Variants in NRG3 observed in about 807,000 individuals in gnomAD.
NRG3 encodes pro-neuregulin-3, membrane-bound isoform.
A neutral mutation model predicts 66.9 loss-of-function variants in NRG3; 31 were observed. The observed-to-expected ratio is 0.46, with a 90% CI of 0.35 to 0.63. The LOEUF (loss-of-function observed/expected upper bound fraction) is 0.63. NRG3 is among the 20% of genes least tolerant of loss of function. The pLI is 0.00. For synonymous variants in NRG3, 393 were observed against 359.4 expected (o/e 1.09, Z -1.06); for missense variants, 910 against 878.9 (o/e 1.04, Z -0.45).
chr10:82,356,275 A>T (rs1227648677), intron 1 of NRG3, among the ~76,000 whole-genome samples: 2 of 152,214 alleles, frequency 1.3e-5, no homozygotes, highest in Admixed American at 1.3e-4. Flanking sequence ...TAAAATAAGG[A>T]TCTCACTTTT....
rs553459318 is a variant in NRG3 at position 82,019,002 on chromosome 10, C to T, written c.823+142839C>T. Among the ~76,000 whole-genome samples the T allele has an allele frequency of 6.6e-5, 10 of 152,264 alleles. No homozygotes were observed. The South Asian group carries it at 2.1e-3, about 32-fold the overall frequency. On this transcript the variant is annotated intron_variant, in intron 1 of 8. Transcript: ENST00000372141. ...ATAGGAGTGGTGAGAGAAGGCATCCCTGTCTTGTGCCAGTTTTCAAAGGGA... is the reference window on the plus strand; with the variant it reads ...ATAGGAGTGGTGAGAGAAGGCATCCTTGTCTTGTGCCAGTTTTCAAAGGGA...
intron 1 of NRG3, among the ~76,000 whole-genome samples, chr10:82,190,687 G>A (rs575973590): frequency 3.3e-4 from 50 of 152,148 alleles, no homozygotes; most frequent in Middle Eastern, 3.2e-3. Flanking sequence ...GGGCCAGTGA[G>A]GAAGCTTTCA....
intron 1 of NRG3, among the ~76,000 whole-genome samples, chr10:82,047,488 TCCAG>T (rs1002793710): frequency 1.1e-4 from 17 of 151,860 alleles, no homozygotes; most frequent in Non-Finnish European, 1.9e-4. Flanking sequence ...GAATTTCATA[TCCAG>T]CCAAACTAAG....
chr10:81,907,478 A>G (rs1401890623), intron 1 of NRG3, among the ~76,000 whole-genome samples: 1 of 152,194 alleles, frequency 6.6e-6, no homozygotes, highest in Non-Finnish European at 1.5e-5. Flanking sequence ...TTGAGTGATT[A>G]CATTTTAAAA....
intron 1 of NRG3, among the ~76,000 whole-genome samples, chr10:82,265,349 A>G (rs1255564505): frequency 6.6e-6 from 1 of 152,180 alleles, no homozygotes. Flanking sequence ...AGGTATTATA[A>G]TGATGGGAAA....
intron 2 of NRG3, among the ~76,000 whole-genome samples, chr10:82,651,941 G>A (rs1238614562): frequency 6.6e-6 from 1 of 152,224 alleles, no homozygotes; most frequent in Non-Finnish European, 1.5e-5. Flanking sequence ...CAGAGGGAGT[G>A]CCTCATTTAC....
At chr10:81,963,339 T>A (rs1479430949) in intron 1 of NRG3, among the ~76,000 whole-genome samples, 2 of 150,842 alleles carry the variant, frequency 1.3e-5, no homozygotes, top group African/African-American at 4.9e-5. Context: ...TTCACCGTTT[T>A]AGCCGGGATG....
At chr10:82,614,018 G>A (rs971132797) in intron 2 of NRG3, among the ~76,000 whole-genome samples, 3 of 151,894 alleles carry the variant, frequency 2.0e-5, no homozygotes, top group Non-Finnish European at 4.4e-5. Flanking sequence ...TTCTGCCTCA[G>A]CCTCCCAAGT....
intron 4 of NRG3, among the ~76,000 whole-genome samples, chr10:82,926,723 TA>T (rs1847036821): frequency 6.6e-6 from 1 of 152,226 alleles, no homozygotes; most frequent in African/African-American, 2.4e-5. Context: ...GCAAAATAAG[TA>T]ATTAAAATTA....
At chr10:81,974,613 A>T (rs1022889386) in intron 1 of NRG3, among the ~76,000 whole-genome samples, 1 of 152,104 alleles carries the variant, frequency 6.6e-6, no homozygotes, top group African/African-American at 2.4e-5. Context: ...GCAATTGATG[A>T]TCTGCACAAG....
At chr10:82,480,574 GA>G (rs1842187752) in intron 2 of NRG3, among the ~76,000 whole-genome samples, 1 of 152,142 alleles carries the variant, frequency 6.6e-6, no homozygotes, top group Admixed American at 6.6e-5. Flanking sequence ...AGTGGTATAT[GA>G]GAATCATTTT....
chr10:82,933,032 T>G (rs867089208), intron 4 of NRG3, among the ~76,000 whole-genome samples: 19 of 152,232 alleles, frequency 1.2e-4, no homozygotes, highest in Non-Finnish European at 2.4e-4. Context: ...TTTAAATGAG[T>G]CATGATTCAA....
chr10:82,471,564 A>C (rs980815291), intron 2 of NRG3, among the ~76,000 whole-genome samples: 9 of 152,214 alleles, frequency 5.9e-5, no homozygotes, highest in African/African-American at 2.2e-4. Flanking sequence ...TTCTCAAAGA[A>C]AAATTGTAAC....
At chr10:81,977,215 C>T (rs2060156965) in intron 1 of NRG3, among the ~76,000 whole-genome samples, 1 of 152,272 alleles carries the variant, frequency 6.6e-6, no homozygotes, top group South Asian at 2.1e-4. Context: ...TTGTAACAAT[C>T]TTTAGACCTG....
At chr10:82,489,075 A>G (rs1842901219) in intron 2 of NRG3, among the ~76,000 whole-genome samples, 1 of 152,168 alleles carries the variant, frequency 6.6e-6, no homozygotes, top group African/African-American at 2.4e-5. Flanking sequence ...CACAGCCCAT[A>G]TGAGACTAGT....
At chr10:82,598,194 C>G (rs1042942756) in intron 2 of NRG3, among the ~76,000 whole-genome samples, 5 of 152,096 alleles carry the variant, frequency 3.3e-5, no homozygotes, top group Admixed American at 6.6e-5. Flanking sequence ...TGAAAACTGT[C>G]CTTGTACTAT....
At chr10:82,083,653 G>C (rs2065532096) in intron 1 of NRG3, among the ~76,000 whole-genome samples, 2 of 148,446 alleles carry the variant, frequency 1.3e-5, no homozygotes, top group African/African-American at 5.0e-5. Context: ...GGAGTCCAAT[G>C]GTGCGATCTC....
chr10:82,006,698 A>G (rs899471456), intron 1 of NRG3, among the ~76,000 whole-genome samples: 1 of 151,916 alleles, frequency 6.6e-6, no homozygotes, highest in East Asian at 1.9e-4. Context: ...TGGATAGTCT[A>G]TCTTTTGCTC....
intron 1 of NRG3, among the ~76,000 whole-genome samples, chr10:82,055,514 T>A (rs550897898): frequency 2.0e-5 from 3 of 151,492 alleles, no homozygotes; most frequent in Non-Finnish European, 4.4e-5. Context: ...AAAAACAGTT[T>A]TAGTGTAGTG....
Sources: gnomAD v4.1 joint callset for allele counts (sites outside exome capture counted in the v4.1 genomes callset) on GRCh38, gnomAD v4.1.1 for gene constraint, MANE v1.5 for transcripts, NCBI Gene and HGNC (gene_info 2026-07-23, HGNC 2026-07-21) for gene names.